The following SLFN12L variants were observed in gnomAD, a reference collection of about 807,000 sequenced individuals.
SLFN12L encodes the protein schlafen family member 12-like.
In SLFN12L, 34 loss-of-function variants were observed where a neutral mutation model predicts 34.8. That is an observed-to-expected ratio of 0.98 (90% CI 0.74 to 1.30). SLFN12L has a LOEUF of 1.30. Ranked by LOEUF, SLFN12L falls within the 50% of genes most tolerant of loss-of-function variation. The pLI is 0.00. For missense variants in SLFN12L, 703 were observed against 696.2 expected, an observed-to-expected ratio of 1.01 and a Z score of -0.11; for synonymous variants, 259 against 247.5, an observed-to-expected ratio of 1.05 and a Z score of -0.44.
chr17:35,498,122 A>G (rs1355324521), intron 2 of SLFN12L: 7 of 590,060 alleles, frequency 1.2e-5, no homozygotes, highest in Non-Finnish European at 2.1e-5. Flanking sequence ...GCCGGCGGTC[A>G]GAGCGAGACC....
intron 1 of SLFN12L, among the ~76,000 whole-genome samples, chr17:35,535,859 T>C (rs2072455975): frequency 6.6e-6 from 1 of 152,136 alleles, no homozygotes. Context: ...TTTTACCATG[T>C]TGGCCAGGCT....
rs1913755278 is a variant in SLFN12L, at chr17:35,468,797, G to A, written c.*6126C>T. Among the ~76,000 whole-genome samples the A allele has an allele frequency of 6.6e-6, 1 of 152,106 alleles. No homozygotes were observed. The highest frequency in any genetic ancestry group is 2.4e-5 in the African/African-American group (1 of 41,416). The stretch of plus-strand genomic sequence containing the variant: ...CACTTTGGGAGGCTGAGGCAGGACT[G>A]CTTAATCCCAGGAGTTCAAACCAGC... On this transcript the variant is annotated 3_prime_UTR_variant, in exon 5 of 5. Transcript: ENST00000628453.
At chr17:35,483,292 A>C (rs1350145086) in intron 2 of SLFN12L, among the ~76,000 whole-genome samples, 4 of 152,098 alleles carry the variant, frequency 2.6e-5, no homozygotes, top group Admixed American at 1.3e-4. Context: ...ACATTTAATA[A>C]AGCTCATCTT....
At chr17:35,496,247 G>GGATTATGA (rs1915066746) in intron 2 of SLFN12L, among the ~76,000 whole-genome samples, 1 of 152,054 alleles carries the variant, frequency 6.6e-6, no homozygotes, top group Non-Finnish European at 1.5e-5. Flanking sequence ...ACTTTGGGAG[G>GGATTATGA]CCGAAATGGG....
chr17:35,520,916 A>G (rs1364646886), intron 2 of SLFN12L, among the ~76,000 whole-genome samples: 1 of 152,074 alleles, frequency 6.6e-6, no homozygotes, highest in African/African-American at 2.4e-5. Flanking sequence ...TCCCTGTTCC[A>G]TCCTCCCTTC....
At chr17:35,499,323 C>A in intron 2 of SLFN12L, 1 of 560,000 alleles carries the variant, frequency 1.8e-6, no homozygotes, top group Non-Finnish European at 2.7e-6. Flanking sequence ...AACCTGTAGC[C>A]ATTGAATTCC....
At chr17:35,508,409 C>T (rs921088463) in intron 2 of SLFN12L, among the ~76,000 whole-genome samples, 1 of 152,318 alleles carries the variant, frequency 6.6e-6, no homozygotes, top group East Asian at 1.9e-4. Flanking sequence ...TGCAGTGGCA[C>T]GATCTCAGCT....
At chr17:35,488,915 C>T (rs1914720719) in intron 2 of SLFN12L, among the ~76,000 whole-genome samples, 1 of 151,646 alleles carries the variant, frequency 6.6e-6, no homozygotes, top group South Asian at 2.1e-4. Context: ...ACTAAAAATA[C>T]AAAAATTAGC....
chr17:35,526,036 A>C (rs960477948), intron 1 of SLFN12L, among the ~76,000 whole-genome samples: 1 of 152,242 alleles, frequency 6.6e-6, no homozygotes, highest in Admixed American at 6.5e-5. Flanking sequence ...AAGGAAAGCA[A>C]AGAAAAGCAG....
At chr17:35,513,341 G>C (rs61483053) in intron 2 of SLFN12L, among the ~76,000 whole-genome samples, 3,335 of 152,012 alleles carry the variant, frequency 0.022, 125 homozygotes, top group African/African-American at 0.076. Context: ...GGAGACACTG[G>C]AACTGTATTT....
intron 2 of SLFN12L, among the ~76,000 whole-genome samples, chr17:35,507,030 C>T (rs1259061601): frequency 6.6e-6 from 1 of 152,122 alleles, no homozygotes. Context: ...CTGTGTGGAC[C>T]CACCCAGAGT....
At chr17:35,510,618 A>G (rs759389925) in intron 2 of SLFN12L, among the ~76,000 whole-genome samples, 1 of 152,168 alleles carries the variant, frequency 6.6e-6, no homozygotes, top group Non-Finnish European at 1.5e-5. Context: ...AGTGAGCGCT[A>G]ATGGATGTTG....
intron 2 of SLFN12L, among the ~76,000 whole-genome samples, chr17:35,516,654 C>T (rs1365226115): frequency 1.3e-5 from 2 of 152,152 alleles, no homozygotes; most frequent in African/African-American, 4.8e-5. Context: ...CAAAATCCAC[C>T]ACCCCCTCCA....
At chr17:35,533,344 G>A (rs148059107) in intron 1 of SLFN12L, among the ~76,000 whole-genome samples, 1 of 152,214 alleles carries the variant, frequency 6.6e-6, no homozygotes, top group South Asian at 2.1e-4. Flanking sequence ...AATATTTATT[G>A]GAAATCTATT....
intron 1 of SLFN12L, among the ~76,000 whole-genome samples, chr17:35,530,117 C>CTTTTT (rs35836415): frequency 9.1e-6 from 1 of 109,474 alleles, no homozygotes; most frequent in Non-Finnish European, 1.9e-5. Context: ...ACTGCTTTGT[C>CTTTTT]TTTTTTTTTT....
At chr17:35,480,265 G>A (rs1461753934) in intron 2 of SLFN12L, 70 bp from the exon 3 acceptor site, 14 of 1,222,532 alleles carry the variant, frequency 1.1e-5, no homozygotes, top group Admixed American at 2.9e-5. Context: ...TGAGGCAAAC[G>A]TAGAAAAATC....
intron 2 of SLFN12L, among the ~76,000 whole-genome samples, chr17:35,495,138 A>T (rs966667278): frequency 6.6e-6 from 1 of 152,114 alleles, no homozygotes; most frequent in African/African-American, 2.4e-5. Context: ...AGGCTCATGC[A>T]ATCTGCCCGC....
Position 35,480,066 on chromosome 17 carries a change from T to A in SLFN12L, c.216A>T (p.Lys72Asn), listed in dbSNP as rs1914260726. Residue 72 changes from lysine to asparagine, a missense_variant, in exon 3 of 5, where the codon AAA becomes AAT. By Grantham distance (94) the Lys-to-Asn change is moderately conservative. Coordinates refer to ENST00000628453, the MANE Select transcript of SLFN12L (RefSeq NM_001363830.2). ...RVTLGENNRK[K>N]MKDCQLRKQQ... ...GTTTTCTCAGTTGACAATCCTTCATTTTTTTTCTATTGTTCTCTCCAAGAG... is the reference window on the plus strand; with the variant it reads ...GTTTTCTCAGTTGACAATCCTTCATATTTTTTCTATTGTTCTCTCCAAGAG... 2 of 1,614,034 alleles carry A rather than the reference T, an allele frequency of 1.2e-6. No individual in the cohort carries two copies. The highest frequency in any genetic ancestry group is 1.7e-6 in the Non-Finnish European group (2 of 1,180,028).
chr17:35,524,055 A>G (rs1169273933), intron 1 of SLFN12L, among the ~76,000 whole-genome samples: 1 of 152,218 alleles, frequency 6.6e-6, no homozygotes, highest in Non-Finnish European at 1.5e-5. Context: ...GTAATTTGAA[A>G]TTGAAATTAC....
Sources: allele counts gnomAD v4.1 joint callset (sites outside exome capture counted in the v4.1 genomes callset), GRCh38; gene constraint gnomAD v4.1.1; transcripts MANE v1.5; gene names NCBI Gene and HGNC (gene_info 2026-07-23, HGNC 2026-07-21).